Variants in TRIM55 observed in about 807,000 individuals in gnomAD.
TRIM55 encodes tripartite motif containing 55.
A neutral mutation model predicts 60.9 loss-of-function variants in TRIM55; 50 were observed. That is an observed-to-expected ratio of 0.82 (90% CI 0.65 to 1.04). The LOEUF is 1.04. Among genes scored for constraint, TRIM55 ranks in the 50% least tolerant of loss-of-function variants. The pLI, the probability that TRIM55 is intolerant of heterozygous loss-of-function variation, is 0.00. For synonymous variants in TRIM55, 237 were observed against 238.1 expected, an observed-to-expected ratio of 1.00 and a Z score of 0.04; for missense variants, 681 against 666.9, an observed-to-expected ratio of 1.02 and a Z score of -0.23.
the TRIM55 span, chr8:66,113,586 C>CAGCCTGCACGGTAATTCTTTTT: frequency 2.2e-6 from 1 of 456,196 alleles, no homozygotes; most frequent in African/African-American, 2.0e-5. Flanking sequence ...TTGGGCCTCC[C>CAGCCTGCACGGTAATTCTTTTT]AGCCTGCACG....
chr8:66,168,047 G>T (rs1811421288), intron 9 of TRIM55, among the ~76,000 whole-genome samples: 1 of 152,128 alleles, frequency 6.6e-6, no homozygotes, highest in African/African-American at 2.4e-5. Context: ...ATCATGCCTG[G>T]CCAAAAAATG....
chr8:66,129,597 G>C (rs887108167), intron 2 of TRIM55, among the ~76,000 whole-genome samples: 4 of 152,200 alleles, frequency 2.6e-5, no homozygotes, highest in Non-Finnish European at 5.9e-5. Flanking sequence ...GCAGCTGGCT[G>C]TTTCCCTTGC....
chr8:66,173,765 A>G (rs922188339), intron 9 of TRIM55, among the ~76,000 whole-genome samples: 13 of 152,180 alleles, frequency 8.5e-5, no homozygotes, highest in Non-Finnish European at 1.5e-5. Context: ...ACATAAGTAA[A>G]TTTTGCTTAT....
chr8:66,155,913 CA>C (rs1810712679), intron 9 of TRIM55, among the ~76,000 whole-genome samples: 1 of 152,182 alleles, frequency 6.6e-6, no homozygotes, highest in African/African-American at 2.4e-5. Context: ...AGAATTGCTC[CA>C]TTATCTATTC....
At chr8:66,170,390 C>T (rs965105094) in intron 9 of TRIM55, among the ~76,000 whole-genome samples, 1 of 152,178 alleles carries the variant, frequency 6.6e-6, no homozygotes, top group East Asian at 1.9e-4. Context: ...CAAGGTTCAT[C>T]CACATTGTAG....
intron 4 of TRIM55, among the ~76,000 whole-genome samples, chr8:66,144,721 A>C (rs1433940880): frequency 6.6e-6 from 1 of 152,244 alleles, no homozygotes; most frequent in African/African-American, 2.4e-5. Context: ...GGTCTTAAAG[A>C]TACATACCTT....
intron 9 of TRIM55, among the ~76,000 whole-genome samples, chr8:66,165,169 G>C (rs1235947926): frequency 1.3e-5 from 2 of 152,126 alleles, no homozygotes; most frequent in Admixed American, 6.5e-5. Context: ...ATTTTCCTAA[G>C]CCAGGATGGA....
At chr8:66,162,925 G>A (rs1345719934) in intron 9 of TRIM55, among the ~76,000 whole-genome samples, 1 of 151,250 alleles carries the variant, frequency 6.6e-6, no homozygotes. Context: ...ATGAGATAAG[G>A]ATCAAAGTTT....
At chr8:66,140,611 C>T (rs1809751374) in intron 4 of TRIM55, among the ~76,000 whole-genome samples, 1 of 152,258 alleles carries the variant, frequency 6.6e-6, no homozygotes, top group African/African-American at 2.4e-5. Flanking sequence ...TCTCCCAGAG[C>T]CAGTTCCATA....
intron 9 of TRIM55, among the ~76,000 whole-genome samples, chr8:66,158,157 ACACACACACACAC>A: frequency 8.3e-6 from 1 of 119,912 alleles, no homozygotes; most frequent in African/African-American, 3.4e-5. Context: ...ACACACACAC[ACACACACACACAC>A]ACACACACAC....
At chr8:66,140,843 A>C (rs1025658619) in intron 4 of TRIM55, among the ~76,000 whole-genome samples, 5 of 152,212 alleles carry the variant, frequency 3.3e-5, no homozygotes, top group African/African-American at 1.2e-4. Context: ...TGTTCTGAGA[A>C]GCTATGAGTG....
chr8:66,165,887 C>T (rs1291041651), intron 9 of TRIM55, among the ~76,000 whole-genome samples: 1 of 151,790 alleles, frequency 6.6e-6, no homozygotes. Flanking sequence ...TGAATGAGAC[C>T]TTTACATTAA....
chr8:66,154,325 T>A lies in TRIM55; in HGVS notation c.1515T>A (p.Ala505=). 6.2e-7 allele frequency: 1 copy of A among 1,614,000 alleles called. No individual in the cohort carries two copies. Among genetic ancestry groups the A allele is most frequent in the Non-Finnish European group, 8.5e-7 (1 of 1,179,932 alleles). Residue 505 remains alanine, a synonymous_variant, in exon 9 of 10, where the codon GCT becomes GCA. Coordinates refer to ENST00000315962, the MANE Select transcript of TRIM55 (RefSeq NM_184085.2). ...VSGKETSAPA[A]TSQIGFEAPP... is the part of the protein sequence containing the mutation. ...GTAAGGAAACTAGTGCACCTGCAGC[T>A]ACTTCTCAGGTTAGTGATGATGCAC...
intron 9 of TRIM55, among the ~76,000 whole-genome samples, chr8:66,161,751 T>C (rs1435604445): frequency 8.6e-6 from 1 of 116,292 alleles, no homozygotes; most frequent in African/African-American, 3.8e-5. Context: ...GGTATATTCC[T>C]AAGGTTTTTT....
intron 4 of TRIM55, among the ~76,000 whole-genome samples, chr8:66,144,114 A>T (rs968391752): frequency 6.6e-6 from 1 of 152,228 alleles, no homozygotes; most frequent in African/African-American, 2.4e-5. Flanking sequence ...TGCCAATTTT[A>T]ACATTTCCAT....
At chr8:66,158,065 G>A (rs149027259) in intron 9 of TRIM55, among the ~76,000 whole-genome samples, 2 of 151,572 alleles carry the variant, frequency 1.3e-5, no homozygotes, top group Non-Finnish European at 2.9e-5. Context: ...TCTATTTGGT[G>A]GATTAACTCA....
chr8:66,131,317 C>G (rs2128973419), intron 2 of TRIM55, among the ~76,000 whole-genome samples: 1 of 152,316 alleles, frequency 6.6e-6, no homozygotes, highest in African/African-American at 2.4e-5. Context: ...CCACTCTGTT[C>G]TCTCTTTACC....
chr8:66,165,985 AT>A (rs1811309700), intron 9 of TRIM55, among the ~76,000 whole-genome samples: 1 of 151,488 alleles, frequency 6.6e-6, no homozygotes, highest in Admixed American at 6.6e-5. Flanking sequence ...AGTGCCAGAT[AT>A]TGGGGGCCTT....
chr8:66,172,756 C>T (rs1811713160), intron 9 of TRIM55, among the ~76,000 whole-genome samples: 1 of 152,188 alleles, frequency 6.6e-6, no homozygotes, highest in Non-Finnish European at 1.5e-5. Flanking sequence ...GAACAGCTGC[C>T]ATGGAAGTTC....
Sources: gnomAD v4.1 joint callset for allele counts (sites outside exome capture counted in the v4.1 genomes callset) on GRCh38, gnomAD v4.1.1 for gene constraint, MANE v1.5 for transcripts, NCBI Gene and HGNC (gene_info 2026-07-23, HGNC 2026-07-21) for gene names.